The following RNF157 variants were observed in gnomAD, a reference collection of about 807,000 sequenced individuals.
RNF157 encodes the protein ring finger protein 157.
A neutral mutation model predicts 88.3 loss-of-function variants in RNF157; 55 were observed. That is an observed-to-expected ratio of 0.62 (90% CI 0.50 to 0.78). The LOEUF (loss-of-function observed/expected upper bound fraction) is 0.78. RNF157 is among the 30% of genes least tolerant of loss of function. RNF157 has a pLI of 0.00. For missense variants in RNF157, 788 were observed against 860.8 expected, an observed-to-expected ratio of 0.92 and a Z score of 1.06; for synonymous variants, 334 against 341.2, an observed-to-expected ratio of 0.98 and a Z score of 0.23.
At chr17:76,206,919 T>A (rs1405813471) in intron 2 of RNF157, among the ~76,000 whole-genome samples, 1 of 152,206 alleles carries the variant, frequency 6.6e-6, no homozygotes, top group Non-Finnish European at 1.5e-5. Context: ...TTCCAAGCAT[T>A]ACATTATTCT....
chr17:76,180,511 T>C (rs2069172710), intron 2 of RNF157, among the ~76,000 whole-genome samples: 1 of 152,236 alleles, frequency 6.6e-6, no homozygotes, highest in South Asian at 2.1e-4. Flanking sequence ...ACTGAGTATC[T>C]ACTATGTGCC....
chr17:76,148,566 C>CTTT (rs35003550), intron 18 of RNF157, among the ~76,000 whole-genome samples: 1 of 132,942 alleles, frequency 7.5e-6, no homozygotes, highest in Non-Finnish European at 1.6e-5. Context: ...CGTGCCCCGC[C>CTTT]TTTTTTTTTT....
At chr17:76,228,811 C>T (rs1216799831) in intron 1 of RNF157, among the ~76,000 whole-genome samples, 1 of 152,028 alleles carries the variant, frequency 6.6e-6, no homozygotes. Context: ...ATCCCAGCTA[C>T]TCGGGAGGCT....
chr17:76,149,940 A>AG (rs1453064264), intron 18 of RNF157, among the ~76,000 whole-genome samples: 2 of 152,084 alleles, frequency 1.3e-5, no homozygotes, highest in Non-Finnish European at 2.9e-5. Context: ...AGGCTGAGGC[A>AG]GAGAATCACT....
At chr17:76,223,189 C>G (rs1390890172) in intron 1 of RNF157, among the ~76,000 whole-genome samples, 1 of 134,908 alleles carries the variant, frequency 7.4e-6, no homozygotes, top group African/African-American at 2.7e-5. Context: ...CGCACCCGGC[C>G]TTTTTTTTTT....
At chr17:76,180,742 G>T (rs928851247) in intron 2 of RNF157, among the ~76,000 whole-genome samples, 15 of 151,974 alleles carry the variant, frequency 9.9e-5, no homozygotes, top group African/African-American at 3.6e-4. Context: ...TTTTATCTTG[G>T]TAAAATACAC....
At chr17:76,177,680 C>A (rs961444294) in intron 2 of RNF157, among the ~76,000 whole-genome samples, 1 of 152,052 alleles carries the variant, frequency 6.6e-6, no homozygotes, top group South Asian at 2.1e-4. Context: ...GACCAGTCTA[C>A]CTGCACTTCC....
chr17:76,192,877 C>G (rs1266568275), intron 2 of RNF157, among the ~76,000 whole-genome samples: 1 of 145,026 alleles, frequency 6.9e-6, no homozygotes, highest in Non-Finnish European at 1.5e-5. Flanking sequence ...CATCCGCTCT[C>G]TTGCACAGGG....
At chr17:76,184,748 T>C (rs538809658) in intron 2 of RNF157, among the ~76,000 whole-genome samples, 109 of 152,192 alleles carry the variant, frequency 7.2e-4, no homozygotes, top group Non-Finnish European at 1.4e-3. Flanking sequence ...ATGAGGGAGA[T>C]AGCAAGAGAG....
rs1309469434 is a variant in RNF157, at chr17:76,161,096, C to T, written c.1065+439G>A. 6.6e-6 allele frequency among the ~76,000 whole-genome samples: 1 copy of T among 152,178 alleles called. No homozygotes were observed. The highest frequency in any genetic ancestry group is 2.4e-5 in the African/African-American group (1 of 41,440). On this transcript the variant is annotated intron_variant, in intron 11 of 18. Coordinates refer to ENST00000269391, the MANE Select transcript of RNF157 (RefSeq NM_052916.3). The surrounding 1 kb of genome is among the most constrained non-coding windows in gnomAD (Gnocchi z 4.6). ...TTGAGGTTTCACCCTAATATCAGCA[C>T]TTACACTAGGAAACTGAAGTCAGTT...
At chr17:76,182,613 T>C (rs2069208603) in intron 2 of RNF157, among the ~76,000 whole-genome samples, 2 of 151,676 alleles carry the variant, frequency 1.3e-5, no homozygotes, top group Non-Finnish European at 2.9e-5. Flanking sequence ...TTACTCTGTG[T>C]GTAAATTATT....
chr17:76,186,824 C>T (rs1036951519), intron 2 of RNF157, among the ~76,000 whole-genome samples: 3 of 151,938 alleles, frequency 2.0e-5, no homozygotes, highest in Non-Finnish European at 4.4e-5. Context: ...TTTGTAATCA[C>T]AGCTACTTGG....
intron 7 of RNF157, 81 bp downstream of exon 7, chr17:76,165,421 C>T (rs900039337): frequency 2.1e-6 from 3 of 1,421,006 alleles, no homozygotes; most frequent in Admixed American, 3.4e-5. Flanking sequence ...TGAGCTCAGG[C>T]ACCCAGCAAA....
At chr17:76,185,620 C>T (rs544193348) in intron 2 of RNF157, among the ~76,000 whole-genome samples, 12 of 152,004 alleles carry the variant, frequency 7.9e-5, no homozygotes, top group African/African-American at 2.9e-4. Context: ...CAGGCACCCG[C>T]TACCACGCCC....
chr17:76,215,632 C>A (rs1035189747), intron 1 of RNF157, among the ~76,000 whole-genome samples: 4 of 150,662 alleles, frequency 2.7e-5, no homozygotes, highest in Non-Finnish European at 4.4e-5. Flanking sequence ...AAAAACTGAA[C>A]CAAACATTCA....
At position 76,146,397 on chromosome 17, in the gene RNF157, C is replaced by A; in HGVS notation, c.1922-1044G>T. 1 of 985,610 alleles carries A rather than the reference C, an allele frequency of 1.0e-6. No homozygotes were observed. Among genetic ancestry groups the A allele is most frequent in the Non-Finnish European group, 1.2e-6 (1 of 830,050 alleles). 61.1% of individuals were successfully genotyped at this position (985,610 alleles called of 1,614,324 possible). ...GGCTCCTCCAGGCCATCTCGCCTCT[C>A]CCCTGGGAGTCCTCTTCATCTCCTG... On this transcript the variant is annotated intron_variant, in intron 18 of 18. Coordinates refer to ENST00000269391, the MANE Select transcript of RNF157 (RefSeq NM_052916.3). This position sits in a 1 kb window ranked among gnomAD's most constrained non-coding sequence, Gnocchi z 4.2.
intron 1 of RNF157, among the ~76,000 whole-genome samples, chr17:76,238,587 G>A (rs947095106): frequency 6.6e-6 from 1 of 152,150 alleles, no homozygotes. Flanking sequence ...ATGAAAGAGC[G>A]GTGAATACTT....
Position 76,161,946 on chromosome 17 carries a change from A to T in RNF157, c.849T>A (p.Asp283Glu). 8 of 1,614,218 alleles carry T rather than the reference A, an allele frequency of 5.0e-6. No homozygotes were observed. Among genetic ancestry groups the T allele is most frequent in the Non-Finnish European group, 6.8e-6 (8 of 1,180,046 alleles). ...AGGGCAGAATCAAGGTGTCCCGGAC[A>T]TCCGAGAGACACACCACACACTCGG... ...NSAECVVCLS[D>E]VRDTLILPCR... The change falls in exon 10 of 19, where the codon GAT becomes GAA. Residue 283 changes from aspartate (D) to glutamate (E), a missense_variant. By Grantham distance (45) the Asp-to-Glu change is conservative. Transcript: ENST00000269391. The surrounding 1 kb of genome is among the most constrained non-coding windows in gnomAD (Gnocchi z 4.6).
intron 1 of RNF157, among the ~76,000 whole-genome samples, chr17:76,232,529 G>A (rs2070211250): frequency 1.3e-5 from 2 of 152,068 alleles, no homozygotes; most frequent in African/African-American, 2.4e-5. Flanking sequence ...CCAGTTTCTT[G>A]GCTATTATGA....
Sources: gnomAD v4.1 joint callset for allele counts (sites outside exome capture counted in the v4.1 genomes callset) on GRCh38, gnomAD v4.1.1 for gene constraint, Gnocchi (gnomAD v3.1) non-coding constraint, MANE v1.5 for transcripts, NCBI Gene and HGNC (gene_info 2026-07-23, HGNC 2026-07-21) for gene names.